Variants in PIEZO2 observed in about 807,000 individuals in gnomAD.
The protein encoded by PIEZO2 is piezo-type mechanosensitive ion channel component 2.
In PIEZO2, 172 loss-of-function variants were observed where a neutral mutation model predicts 337.3. The ratio of observed to expected loss-of-function variants is 0.51; its 90% CI spans 0.45 to 0.58. PIEZO2 has a LOEUF of 0.58. PIEZO2 is among the 20% of genes least tolerant of loss of function. The pLI, the probability that PIEZO2 is intolerant of heterozygous loss-of-function variation, is 0.00. For missense variants in PIEZO2, 3,028 were observed against 3,391.3 expected (o/e 0.89, Z 2.66); for synonymous variants, 1,251 against 1,228.5 (o/e 1.02, Z -0.38).
intron 1 of PIEZO2, among the ~76,000 whole-genome samples, chr18:11,089,927 C>G (rs2039021865): frequency 6.6e-6 from 1 of 152,208 alleles, no homozygotes; most frequent in African/African-American, 2.4e-5. Context: ...ACCGATTGAT[C>G]TCACGAGTTT....
At chr18:11,137,460 C>T (rs1006277459) in intron 1 of PIEZO2, among the ~76,000 whole-genome samples, 4 of 152,198 alleles carry the variant, frequency 2.6e-5, no homozygotes, top group African/African-American at 9.7e-5. Flanking sequence ...GCCTTGAACA[C>T]CTCATTCTAG....
At position 10,846,645 on chromosome 18, in the gene PIEZO2, T is replaced by C. The variant is rs1297046921; in HGVS notation, c.917+8708A>G. Among the ~76,000 whole-genome samples, 3 of 152,170 alleles carry C rather than the reference T, an allele frequency of 2.0e-5. No homozygotes were observed. Among genetic ancestry groups the C allele is most frequent in the Non-Finnish European group, 4.4e-5 (3 of 68,042 alleles). ...AGACATATGCATGAAGGGATTATTA[T>C]GGCCCAATGCAGCTGGTGTTATAAA... On this transcript the variant is annotated intron_variant, in intron 7 of 55. Coordinates refer to ENST00000674853, the MANE Select transcript of PIEZO2 (RefSeq NM_001378183.1). This position sits in a 1 kb window ranked among gnomAD's most constrained non-coding sequence, Gnocchi z 4.1.
At position 10,766,866 on chromosome 18, in the gene PIEZO2, C is replaced by T. The variant is rs115522611; in HGVS notation, c.2946+3282G>A. 0.015 allele frequency among the ~76,000 whole-genome samples: 2,287 copies of T among 152,290 alleles called. 53 individuals are homozygous for T. Among genetic ancestry groups the T allele is most frequent in the African/African-American group, 0.052 (2,178 of 41,552 alleles). ...TGTACGCATTCACTTTATTGTGAGT[C>T]CTTAATAAAGGCTCAATGAATGCTT... is the stretch of plus-strand genomic sequence containing the variant. On this transcript the variant is annotated intron_variant, in intron 21 of 55. Coordinates refer to ENST00000674853, the MANE Select transcript of PIEZO2 (RefSeq NM_001378183.1). This position sits in a 1 kb window ranked among gnomAD's most constrained non-coding sequence, Gnocchi z 6.1.
In PIEZO2 at chr18:10,762,600, G is replaced by A; in HGVS notation, c.3149C>T (p.Pro1050Leu). Reference protein sequence around the residue: ...SLPNENQTNIPFNELNKSLLY... With the variant: ...SLPNENQTNILFNELNKSLLY... ...CAGAGACTTGTTCAACTCATTAAAG[G>A]GGATGTTTGTTTGATTTTCATTTGG... is the stretch of plus-strand genomic sequence containing the variant. Residue 1050 changes from proline to leucine, a missense_variant, in exon 23 of 56, where the codon CCC (proline) becomes CTC (leucine). By Grantham distance (98) the Pro-to-Leu change is moderately conservative. Around this residue, in one of 5 missense-constraint regions of PIEZO2, gnomAD observed 1,925 missense variants for 2,051.9 expected, o/e 0.94. Coordinates refer to ENST00000674853, the MANE Select transcript of PIEZO2 (RefSeq NM_001378183.1). 6.5e-7 allele frequency: 1 copy of A among 1,537,254 alleles called. No individual in the cohort carries two copies. Among genetic ancestry groups the A allele is most frequent in the East Asian group, 2.4e-5 (1 of 40,924 alleles).
chr18:10,858,892 T>C (rs1404066880), intron 5 of PIEZO2, among the ~76,000 whole-genome samples: 1 of 152,204 alleles, frequency 6.6e-6, no homozygotes, highest in African/African-American at 2.4e-5. Flanking sequence ...GACACATTTG[T>C]ATATTTTTTT....
chr18:10,813,270 C>T lies in PIEZO2; in HGVS notation c.918-5996G>A, dbSNP rs141871833. Among the ~76,000 whole-genome samples, 112 of 152,156 alleles carry T rather than the reference C, an allele frequency of 7.4e-4. No individual in the cohort carries two copies. Among genetic ancestry groups the T allele is most frequent in the African/African-American group, 2.4e-3 (101 of 41,460 alleles). On this transcript the variant is annotated intron_variant, in intron 7 of 55. Coordinates refer to ENST00000674853, the MANE Select transcript of PIEZO2 (RefSeq NM_001378183.1). The surrounding 1 kb of genome is among the most constrained non-coding windows in gnomAD (Gnocchi z 4.2). ...CTGGCATTACAGGAGTGAGCCACCG[C>T]GCCCGGGCCATTTTAAACATTTTTA...
Position 10,819,505 on chromosome 18 carries a change from G to C in PIEZO2, c.918-12231C>G, listed in dbSNP as rs1029715760. Among the ~76,000 whole-genome samples the C allele has an allele frequency of 6.6e-6, 1 of 152,148 alleles. No homozygotes were observed. Among genetic ancestry groups the C allele is most frequent in the Non-Finnish European group, 1.5e-5 (1 of 68,014 alleles). ...AGGATGTGAAACTGCCTGTTTCTTT[G>C]ATCAGATTTTAATGCTGACTGCTCT... On this transcript the variant is annotated intron_variant, in intron 7 of 55. Transcript: ENST00000674853. This position sits in a 1 kb window ranked among gnomAD's most constrained non-coding sequence, Gnocchi z 4.3.
At chr18:10,776,737 C>T (rs1250035547) in intron 18 of PIEZO2, among the ~76,000 whole-genome samples, 3 of 152,118 alleles carry the variant, frequency 2.0e-5, no homozygotes, top group African/African-American at 7.2e-5. Context: ...CGAGGCAGAC[C>T]CAGCTGCGGT....
chr18:10,970,229 C>T (rs264244), intron 3 of PIEZO2, among the ~76,000 whole-genome samples: 78,808 of 152,012 alleles, frequency 0.52, 20,788 homozygotes, highest in African/African-American at 0.58. Flanking sequence ...TGGCAGAGTA[C>T]GTAAGGACAT....
chr18:10,696,774 A>T (rs1041312546), intron 45 of PIEZO2, among the ~76,000 whole-genome samples: 9 of 152,230 alleles, frequency 5.9e-5, no homozygotes, highest in African/African-American at 2.2e-4. Flanking sequence ...ATGGCACCAC[A>T]GCCCTCTCCT....
At chr18:11,049,764 T>C (rs1038409146) in intron 2 of PIEZO2, among the ~76,000 whole-genome samples, 5 of 152,158 alleles carry the variant, frequency 3.3e-5, no homozygotes, top group South Asian at 2.1e-4. Flanking sequence ...ATGTAAGACA[T>C]GCCTTTCGCC....
intron 5 of PIEZO2, among the ~76,000 whole-genome samples, chr18:10,869,906 C>T (rs1017454707): frequency 2.8e-4 from 42 of 148,180 alleles, no homozygotes; most frequent in African/African-American, 1.0e-3. Context: ...GACAGAGTCT[C>T]GCTCTGTCAC....
intron 33 of PIEZO2, chr18:10,739,558 A>C (rs1171069217): frequency 6.6e-6 from 1 of 152,212 alleles, no homozygotes; most frequent in Non-Finnish European, 1.5e-5. Context: ...AGGTCTCTCT[A>C]AATTAGCAGA....
Position 11,002,095 on chromosome 18 carries a change from T to G in PIEZO2, c.161-22435A>C, listed in dbSNP as rs182115075. Among the ~76,000 whole-genome samples, 1 of 152,172 alleles carries G rather than the reference T, an allele frequency of 6.6e-6. No homozygotes were observed. Among genetic ancestry groups the G allele is most frequent in the African/African-American group, 2.4e-5 (1 of 41,442 alleles). On this transcript the variant is annotated intron_variant, in intron 2 of 55. Coordinates refer to ENST00000674853, the MANE Select transcript of PIEZO2 (RefSeq NM_001378183.1). This position sits in a 1 kb window ranked among gnomAD's most constrained non-coding sequence, Gnocchi z 4.3. ...GACTCAATTCTGCTACTGTAGCAAA[T>G]AGCCATAGAAAATACATGGACGAAT...
rs1435913631 is a variant in PIEZO2 at position 10,748,570 on chromosome 18, A to G, written c.4325T>C (p.Ile1442Thr). Residue 1442 changes from isoleucine (I) to threonine (T), a missense_variant, in exon 30 of 56, where the codon ATA becomes ACA. By Grantham distance (89) the Ile-to-Thr change is moderately conservative. Coordinates refer to ENST00000674853, the MANE Select transcript of PIEZO2 (RefSeq NM_001378183.1). The surrounding 1 kb of genome is among the most constrained non-coding windows in gnomAD (Gnocchi z 5.1). ...SGEAGIIWDSICFAFLLLQRR... is the reference protein window; with the variant it reads ...SGEAGIIWDSTCFAFLLLQRR... ...TTGCAGCAGGAGGAAGGCAAAACAT[A>G]TGCTGTCCCAAATGATTCCTGCTTC... The G allele has an allele frequency of 3.9e-6, 6 of 1,535,252 alleles. No individual in the cohort carries two copies. The highest frequency in any genetic ancestry group is 5.2e-6 in the Non-Finnish European group (6 of 1,145,882).
At chr18:10,697,585 A>AT (rs1390705341) in intron 45 of PIEZO2, among the ~76,000 whole-genome samples, 163 bp downstream of exon 45, 3 of 152,256 alleles carry the variant, frequency 2.0e-5, no homozygotes, top group Non-Finnish European at 2.9e-5. Flanking sequence ...CAGAAAAATG[A>AT]TTTTTAAAAA....
In PIEZO2 at chr18:11,105,874, C is replaced by A. The variant is rs2039544263; in HGVS notation, c.65-39652G>T. Among the ~76,000 whole-genome samples the A allele has an allele frequency of 6.6e-6, 1 of 152,176 alleles. No individual in the cohort carries two copies. The highest frequency in any genetic ancestry group is 1.5e-5 in the Non-Finnish European group (1 of 68,036). On this transcript the variant is annotated intron_variant, in intron 1 of 55. Transcript: ENST00000674853. This position sits in a 1 kb window ranked among gnomAD's most constrained non-coding sequence, Gnocchi z 4.3. ...TGGCTTAATGGGCCACAATTACTCCCAAACAATCTAGTCCTTCTTCTGTAG... is the reference window on the plus strand; with the variant it reads ...TGGCTTAATGGGCCACAATTACTCCAAAACAATCTAGTCCTTCTTCTGTAG...
At chr18:10,884,227 G>A (rs264209) in intron 4 of PIEZO2, among the ~76,000 whole-genome samples, 84,054 of 152,058 alleles carry the variant, frequency 0.55, 23,765 homozygotes, top group East Asian at 0.76. Context: ...TCGCAAATGA[G>A]AGGATTTCCT....
At chr18:10,950,643 A>T (rs1357655310) in intron 3 of PIEZO2, among the ~76,000 whole-genome samples, 2 of 152,204 alleles carry the variant, frequency 1.3e-5, no homozygotes, top group Non-Finnish European at 2.9e-5. Flanking sequence ...TTCTTTTCTA[A>T]ACCATAGATC....
Sources: gnomAD v4.1 joint callset for allele counts (sites outside exome capture counted in the v4.1 genomes callset) on GRCh38, gnomAD v4.1.1 for gene constraint, gnomAD v4.1.1 regional missense constraint, Gnocchi (gnomAD v3.1) non-coding constraint, MANE v1.5 for transcripts, NCBI Gene and HGNC (gene_info 2026-07-23, HGNC 2026-07-21) for gene names.